The following CLASP1 variants were observed in gnomAD, a reference collection of about 807,000 sequenced individuals.
The protein encoded by CLASP1 is cytoplasmic linker associated protein 1.
A neutral mutation model predicts 192.3 loss-of-function variants in CLASP1; 38 were observed. The ratio of observed to expected loss-of-function variants is 0.20; its 90% CI spans 0.15 to 0.26. CLASP1 has a LOEUF of 0.26. Among genes scored for constraint, CLASP1 ranks in the 10% least tolerant of loss-of-function variants. CLASP1 has a pLI of 1.00. For synonymous variants in CLASP1, 691 were observed against 712.8 expected (o/e 0.97, Z 0.49); for missense variants, 1,433 against 1,932.5 (o/e 0.74, Z 4.85).
chr2:121,546,375 G>A (rs149527843), intron 2 of CLASP1, among the ~76,000 whole-genome samples: 1 of 151,464 alleles, frequency 6.6e-6, no homozygotes, highest in East Asian at 1.9e-4. Context: ...CAGCTCTCAC[G>A]AGAGGAGCGA....
intron 2 of CLASP1, among the ~76,000 whole-genome samples, chr2:121,566,257 T>C: frequency 6.6e-6 from 1 of 152,204 alleles, no homozygotes; most frequent in East Asian, 1.9e-4. Flanking sequence ...TCAAGGTGCC[T>C]TGCATTTCTT....
At chr2:121,610,994 AGGAGGAGTT>A (rs1236968243) in intron 1 of CLASP1, among the ~76,000 whole-genome samples, 1 of 143,792 alleles carries the variant, frequency 7.0e-6, no homozygotes, top group African/African-American at 2.6e-5. Flanking sequence ...GAACTGGAGG[AGGAGGAGTT>A]GGAGGAGTTA....
At chr2:121,425,997 T>G (rs2080303715) in intron 21 of CLASP1, among the ~76,000 whole-genome samples, 1 of 151,746 alleles carries the variant, frequency 6.6e-6, no homozygotes. Context: ...TTGTAAAAAT[T>G]TGTCAGGCAT....
At chr2:121,456,485 TAAAGGAAGAAAGGCAAG>T (rs1261465724) in intron 14 of CLASP1, among the ~76,000 whole-genome samples, 2 of 85,800 alleles carry the variant, frequency 2.3e-5, no homozygotes, top group African/African-American at 9.2e-5. Flanking sequence ...AGGAAAGCAA[TAAAGGAAGAAAGGCAAG>T]AAAGGAAGGA....
At chr2:121,621,871 G>A (rs375454387) in intron 1 of CLASP1, among the ~76,000 whole-genome samples, 20 of 152,140 alleles carry the variant, frequency 1.3e-4, no homozygotes, top group African/African-American at 2.9e-4. Flanking sequence ...TTTATGAGAC[G>A]GAGTCTCACT....
chr2:121,534,965 G>C (rs549052396), intron 2 of CLASP1, among the ~76,000 whole-genome samples: 4 of 152,160 alleles, frequency 2.6e-5, no homozygotes, highest in Non-Finnish European at 5.9e-5. Flanking sequence ...AATTGCAAAC[G>C]GACTTTAAAA....
At chr2:121,524,592 G>A (rs1164650576) in intron 6 of CLASP1, among the ~76,000 whole-genome samples, 2 of 151,808 alleles carry the variant, frequency 1.3e-5, no homozygotes, top group African/African-American at 2.4e-5. Flanking sequence ...AAGTAGCTGC[G>A]ATCACAGGTG....
intron 30 of CLASP1, among the ~76,000 whole-genome samples, chr2:121,393,848 G>C (rs1241933321): frequency 1.3e-5 from 2 of 150,030 alleles, no homozygotes; most frequent in East Asian, 1.9e-4. Flanking sequence ...AAATAGTTTA[G>C]AGCCACGGAT....
At chr2:121,559,802 A>T (rs1195408579) in intron 2 of CLASP1, among the ~76,000 whole-genome samples, 1 of 152,192 alleles carries the variant, frequency 6.6e-6, no homozygotes. Flanking sequence ...ATACAAAAAA[A>T]CCACTTAATT....
chr2:121,545,220 C>A (rs548189645), intron 2 of CLASP1, among the ~76,000 whole-genome samples: 1 of 152,010 alleles, frequency 6.6e-6, no homozygotes, highest in Non-Finnish European at 1.5e-5. Context: ...GGCCTGGGTA[C>A]CTAATTAAAA....
chr2:121,634,666 A>C (rs2070455120), intron 1 of CLASP1, among the ~76,000 whole-genome samples: 1 of 152,168 alleles, frequency 6.6e-6, no homozygotes, highest in Non-Finnish European at 1.5e-5. Flanking sequence ...TTTTCCCACT[A>C]TGTTTACTTT....
At chr2:121,444,045 T>C (rs1425965699) in intron 19 of CLASP1, among the ~76,000 whole-genome samples, 1 of 152,226 alleles carries the variant, frequency 6.6e-6, no homozygotes, top group Non-Finnish European at 1.5e-5. Context: ...AGCCTCTATT[T>C]AGGCAGAGAA....
In CLASP1 at chr2:121,404,546, A is replaced by T. The variant is rs2149477643; in HGVS notation, c.2670-112T>A. ...CAGTGGTGCGATCATAGCTCACTAC[A>T]GCCTTGATCTCCCAAGCTCAAGTGA... On this transcript the variant is annotated intron_variant, in intron 25 of 39. Transcript: ENST00000263710. 6 of 948,220 alleles carry T rather than the reference A, an allele frequency of 6.3e-6. No homozygotes were observed. The East Asian group carries it at 1.3e-4, about 21-fold the overall frequency. 58.7% of individuals were successfully genotyped at this position (948,220 alleles called of 1,614,324 possible). A position where few individuals can be genotyped will look rare whatever the true frequency, so the allele number is the denominator to read the frequency against.
chr2:121,510,140 T>A (rs1161686051), intron 7 of CLASP1, among the ~76,000 whole-genome samples: 1 of 152,122 alleles, frequency 6.6e-6, no homozygotes, highest in Non-Finnish European at 1.5e-5. Context: ...CTCAAATCAA[T>A]AACCTTCCAT....
intron 2 of CLASP1, among the ~76,000 whole-genome samples, chr2:121,594,285 G>A (rs1379429941): frequency 1.4e-5 from 2 of 146,996 alleles, no homozygotes; most frequent in African/African-American, 2.6e-5. Context: ...GGGCGACAGA[G>A]GGAGACTCCG....
At chr2:121,487,397 C>CAACA (rs2093042864) in intron 8 of CLASP1, among the ~76,000 whole-genome samples, 2 of 152,092 alleles carry the variant, frequency 1.3e-5, no homozygotes, top group Non-Finnish European at 2.9e-5. Context: ...GCACATAACC[C>CAACA]AACACGCAGA....
At chr2:121,584,314 A>C (rs1462525129) in intron 2 of CLASP1, among the ~76,000 whole-genome samples, 1 of 152,194 alleles carries the variant, frequency 6.6e-6, no homozygotes, top group African/African-American at 2.4e-5. Flanking sequence ...AAACAGACTA[A>C]GACGTTCTCT....
At chr2:121,463,896 C>T (rs2088743187) in intron 9 of CLASP1, among the ~76,000 whole-genome samples, 1 of 151,336 alleles carries the variant, frequency 6.6e-6, no homozygotes, top group Non-Finnish European at 1.5e-5. Context: ...GCACAATGTG[C>T]CGGTTAGTTA....
At chr2:121,531,136 C>CA in intron 2 of CLASP1, 1 of 618,148 alleles carries the variant, frequency 1.6e-6, no homozygotes, top group South Asian at 1.8e-5. Context: ...AAAGTTCTTT[C>CA]AGTTTTTGCG....
Sources: gnomAD v4.1 joint callset for allele counts (sites outside exome capture counted in the v4.1 genomes callset) on GRCh38, gnomAD v4.1.1 for gene constraint, MANE v1.5 for transcripts, NCBI Gene and HGNC (gene_info 2026-07-23, HGNC 2026-07-21) for gene names.